The following CCDC157 variants were observed in gnomAD, a reference collection of about 807,000 sequenced individuals.
The protein encoded by CCDC157 is coiled-coil domain containing 157.
A neutral mutation model predicts 70.9 loss-of-function variants in CCDC157; 60 were observed. The ratio of observed to expected loss-of-function variants is 0.85; its 90% CI spans 0.69 to 1.05. The LOEUF is 1.05. Ranked by LOEUF, CCDC157 falls within the 50% of genes least tolerant of loss-of-function variation. The pLI, the probability that CCDC157 is intolerant of heterozygous loss-of-function variation, is 0.00. For missense variants in CCDC157, 943 were observed against 984.2 expected (o/e 0.96, Z 0.56); for synonymous variants, 373 against 422.4 (o/e 0.88, Z 1.43).
At chr22:30,373,046 A>T (rs1419581755) in intron 7 of CCDC157, 1 of 154,906 alleles carries the variant, frequency 6.5e-6, no homozygotes, top group African/African-American at 2.4e-5. Context: ...CAGCAACAGG[A>T]GGTAGATACT....
In CCDC157 at chr22:30,378,068, C is replaced by T. The variant is rs1164006966; in HGVS notation, c.*1323C>T. On this transcript the variant is annotated 3_prime_UTR_variant, in exon 12 of 12. Coordinates refer to ENST00000338306, the MANE Select transcript of CCDC157 (RefSeq NM_001017437.5). ...TGGGACTGAGGTCCCCATGTCCTCG[C>T]TGGCTGGCTGTAAGCCAGGTCCTCT... 2.1e-6 allele frequency: 1 copy of T among 470,392 alleles called. No individual in the cohort carries two copies. Among genetic ancestry groups the T allele is most frequent in the Non-Finnish European group, 4.4e-6 (1 of 226,734 alleles). The allele number at this position is 470,392 out of a possible 1,614,324, so 29.1% of individuals were successfully genotyped here.
intron 1 of CCDC157, among the ~76,000 whole-genome samples, chr22:30,360,429 C>T (rs1932252181): frequency 6.6e-6 from 1 of 151,690 alleles, no homozygotes; most frequent in Non-Finnish European, 1.5e-5. Context: ...GGCGTGAACC[C>T]AGGAGGCAGA....
intron 1 of CCDC157, among the ~76,000 whole-genome samples, 158 bp downstream of exon 1, chr22:30,357,290 T>C (rs1348012640): frequency 6.6e-6 from 1 of 152,128 alleles, no homozygotes; most frequent in African/African-American, 2.4e-5. Context: ...CCCCTCAGGC[T>C]CACCGCCTAA....
chr22:30,361,051 AAAT>A lies in CCDC157; in HGVS notation c.-165-904_-165-902del, dbSNP rs560467580. Among the ~76,000 whole-genome samples, 389 of 152,172 alleles carry A rather than the reference AAAT, an allele frequency of 2.6e-3. 1 individual carries two copies. Among genetic ancestry groups the A allele is most frequent in the African/African-American group, 8.3e-3 (346 of 41,524 alleles). On this transcript the variant is annotated intron_variant, in intron 1 of 11. Transcript: ENST00000338306. ...AACAGAGCGAGACTCTCTTTCAAAA[AAAT>A]AATAAATACAATTAAAAATTTAAAA...
At chr22:30,374,217 C>T (rs1933172606) in intron 9 of CCDC157, 126 bp downstream of exon 9, 1 of 1,176,548 alleles carries the variant, frequency 8.5e-7, no homozygotes, top group African/African-American at 1.5e-5. Context: ...AGCCAGGCGG[C>T]CAGCAGCGCA....
chr22:30,375,417 C>A (rs1933278540), intron 9 of CCDC157, 62 bp from the exon 10 acceptor site: 2 of 1,566,054 alleles, frequency 1.3e-6, no homozygotes, highest in Non-Finnish European at 1.8e-6. Flanking sequence ...TCCTTTGTGC[C>A]TCCAGGCCAC....
chr22:30,370,607 G>A lies in CCDC157; in HGVS notation c.702G>A (p.Val234=), dbSNP rs945329579. Residue 234 remains valine, a synonymous_variant, in exon 5 of 12, where the codon GTG becomes GTA. Transcript: ENST00000338306. ...CASVQGSLQK[V]GKVVISLCQS... Reference sequence around the variant, plus strand: ...GCGTCCAGGGAAGCCTGCAGAAGGTGGGCAAGGTGGTCATCAGCCTGTGTC... The same window carrying A: ...GCGTCCAGGGAAGCCTGCAGAAGGTAGGCAAGGTGGTCATCAGCCTGTGTC... The A allele has an allele frequency of 1.9e-6, 3 of 1,614,064 alleles. No homozygotes were observed. The highest frequency in any genetic ancestry group is 2.5e-6 in the Non-Finnish European group (3 of 1,180,030).
chr22:30,371,828 T>C (rs1298762497), intron 6 of CCDC157, 101 bp downstream of exon 6: 7 of 1,115,166 alleles, frequency 6.3e-6, no homozygotes, highest in Non-Finnish European at 9.4e-6. Context: ...AGGGCAAAGT[T>C]GAAGGGAACC....
intron 7 of CCDC157, 118 bp downstream of exon 7, chr22:30,372,404 C>T (rs1012740997): frequency 1.8e-5 from 24 of 1,333,358 alleles, no homozygotes; most frequent in Non-Finnish European, 2.2e-5. Flanking sequence ...TGAGATGCCT[C>T]CAGGTGTGGG....
At chr22:30,365,716 C>G (rs970039829) in intron 2 of CCDC157, among the ~76,000 whole-genome samples, 2 of 152,102 alleles carry the variant, frequency 1.3e-5, no homozygotes, top group Non-Finnish European at 2.9e-5. Flanking sequence ...CAGCCTTGAG[C>G]AGGGGGCCCA....
chr22:30,369,768 C>T (rs375051071), intron 4 of CCDC157, 165 bp downstream of exon 4: 184 of 550,336 alleles, frequency 3.3e-4, no homozygotes, highest in Non-Finnish European at 5.3e-4. Context: ...CACAGTGTGG[C>T]GGTTAAGAAC....
Position 30,378,345 on chromosome 22 carries a change from G to A in CCDC157, c.*1600G>A. 1 of 299,862 alleles carries A rather than the reference G, an allele frequency of 3.3e-6. No homozygotes were observed. Among genetic ancestry groups the A allele is most frequent in the Non-Finnish European group, 6.8e-6 (1 of 146,038 alleles). The allele number at this position is 299,862 out of a possible 1,614,324, so 18.6% of individuals were successfully genotyped here. On this transcript the variant is annotated 3_prime_UTR_variant, in exon 12 of 12. Transcript: ENST00000338306. ...AACCATGGGCATAAAATCCCTTTGA[G>A]AAGCCAGGCGCAGTGGCTCACGTCT...
Position 30,376,542 on chromosome 22 carries a change from T to C in CCDC157, c.2056T>C (p.Cys686Arg). ...QPCTSPPRQP[C>R]TSPPRQPCTS... ...CTGCACATCCCCACCTCGGCAGCCCTGCACATCCCCACCTCGGCAGCCCTG... is the reference window on the plus strand; with the variant it reads ...CTGCACATCCCCACCTCGGCAGCCCCGCACATCCCCACCTCGGCAGCCCTG... The change falls in exon 12 of 12, where the codon TGC (cysteine) becomes CGC (arginine). Residue 686 changes from cysteine to arginine, a missense_variant. Coordinates refer to ENST00000338306, the MANE Select transcript of CCDC157 (RefSeq NM_001017437.5). 6.2e-7 allele frequency: 1 copy of C among 1,612,970 alleles called. No individual in the cohort carries two copies. Among genetic ancestry groups the C allele is most frequent in the South Asian group, 1.1e-5 (1 of 90,982 alleles).
At position 30,373,635 on chromosome 22, in the gene CCDC157, G is replaced by A; in HGVS notation, c.1374G>A (p.Leu458=). 6.4e-7 allele frequency: 1 copy of A among 1,557,894 alleles called. No homozygotes were observed. Among genetic ancestry groups the A allele is most frequent in the Non-Finnish European group, 8.7e-7 (1 of 1,150,604 alleles). ...QAKQRALLKQ[L]DSLDQEREEL... The stretch of plus-strand genomic sequence containing the variant: ...AGCAGCGAGCCCTGCTAAAGCAGCT[G>A]GACAGCCTGGACCAGGAACGTGAGG... The change falls in exon 8 of 12, where the codon CTG becomes CTA. Residue 458 remains leucine, a synonymous_variant. Transcript: ENST00000338306.
At position 30,376,470 on chromosome 22, in the gene CCDC157, G is replaced by A. The variant is rs1211393453; in HGVS notation, c.1984G>A (p.Gly662Ser). Residue 662 changes from glycine to serine, a missense_variant, in exon 12 of 12, where the codon GGT becomes AGT. Physicochemically the swap from Gly to Ser is moderately conservative, Grantham distance 56. Transcript: ENST00000338306. The stretch of plus-strand genomic sequence containing the variant: ...ACAGCACCTTCCTAGCAGCAGGACG[G>A]GTAGGACCCTGCTGGGCCAGCCCTG... ...GRQHLPSSRTGRTLLGQPCTS... is the reference protein window; with the variant it reads ...GRQHLPSSRTSRTLLGQPCTS... 3 of 1,613,226 alleles carry A rather than the reference G, an allele frequency of 1.9e-6. No individual in the cohort carries two copies. The highest frequency in any genetic ancestry group is 1.7e-5 in the Admixed American group (1 of 59,948).
chr22:30,362,455 T>C (rs1192528458), intron 2 of CCDC157, among the ~76,000 whole-genome samples: 1 of 151,052 alleles, frequency 6.6e-6, no homozygotes, highest in Non-Finnish European at 1.5e-5. Context: ...AGAAGAAGTG[T>C]GGGGAAGGGC....
Position 30,370,435 on chromosome 22 carries a change from T to A in CCDC157, c.530T>A (p.Val177Glu), listed in dbSNP as rs748821168. 2 of 1,614,104 alleles carry A rather than the reference T, an allele frequency of 1.2e-6. No individual in the cohort carries two copies. The highest frequency in any genetic ancestry group is 3.3e-5 in the Admixed American group (2 of 60,016). ...TTKLIKPSSP[V>E]LGLPQTCQEP... ...AAGTTAATCAAGCCCTCCTCCCCAG[T>A]GCTAGGCTTGCCCCAGACCTGCCAA... Residue 177 changes from valine (V) to glutamate (E), a missense_variant, in exon 5 of 12, where the codon GTG (valine) becomes GAG (glutamate). Val to Glu is a moderately radical substitution (Grantham distance 121, BLOSUM62 -2). Coordinates refer to ENST00000338306, the MANE Select transcript of CCDC157 (RefSeq NM_001017437.5).
chr22:30,359,333 G>A (rs56927176), intron 1 of CCDC157, among the ~76,000 whole-genome samples: 164 of 152,302 alleles, frequency 1.1e-3, no homozygotes, highest in African/African-American at 3.8e-3. Flanking sequence ...GTAGGATGTG[G>A]GCATGTGTGT....
upstream of CCDC157, chr22:30,356,881 G>A (rs1048216313): frequency 1.3e-5 from 15 of 1,134,484 alleles, no homozygotes; most frequent in African/African-American, 1.6e-5. Flanking sequence ...AGTACGACGA[G>A]CTCGCAAGAT....
Sources: gnomAD v4.1 joint callset for allele counts (sites outside exome capture counted in the v4.1 genomes callset) on GRCh38, gnomAD v4.1.1 for gene constraint, MANE v1.5 for transcripts, NCBI Gene and HGNC (gene_info 2026-07-23, HGNC 2026-07-21) for gene names.